KCNN3: variants seen among roughly 807,000 people sequenced by gnomAD.
KCNN3 encodes small conductance calcium-activated potassium channel protein 3.
Under a neutral mutation model 62.9 loss-of-function variants are expected in KCNN3, and 16 were observed. That is an observed-to-expected ratio of 0.25 (90% CI 0.17 to 0.39). The LOEUF is 0.39. Ranked by LOEUF, KCNN3 falls within the 10% of genes least tolerant of loss-of-function variation. The pLI is 1.00. For synonymous variants in KCNN3, 370 were observed against 389.2 expected (o/e 0.95, Z 0.58); for missense variants, 599 against 949.4 (o/e 0.63, Z 4.85).
chr1:154,839,455 C>T (rs1347020665), intron 1 of KCNN3, among the ~76,000 whole-genome samples: 3 of 152,312 alleles, frequency 2.0e-5, no homozygotes, highest in East Asian at 3.9e-4. Flanking sequence ...ATTTACATCC[C>T]CTAAGCACCA....
At chr1:154,839,661 C>A (rs564997551) in intron 1 of KCNN3, among the ~76,000 whole-genome samples, 5 of 152,346 alleles carry the variant, frequency 3.3e-5, no homozygotes, top group Non-Finnish European at 2.9e-5. Context: ...TCAGCTCTCA[C>A]TCGACAAGGC....
chr1:154,787,724 G>T (rs1649344678), intron 2 of KCNN3, among the ~76,000 whole-genome samples: 1 of 152,136 alleles, frequency 6.6e-6, no homozygotes, highest in South Asian at 2.1e-4. Flanking sequence ...ACACCCCGTG[G>T]AGTCAGAAGC....
chr1:154,730,892 C>G (rs746397280), intron 4 of KCNN3, among the ~76,000 whole-genome samples: 5 of 152,160 alleles, frequency 3.3e-5, no homozygotes, highest in Non-Finnish European at 7.3e-5. Flanking sequence ...GAAAGACAAA[C>G]AGCCTCCGGA....
intron 3 of KCNN3, among the ~76,000 whole-genome samples, chr1:154,765,694 TCTC>T (rs1648225898): frequency 6.7e-6 from 1 of 149,064 alleles, no homozygotes; most frequent in African/African-American, 2.5e-5. Flanking sequence ...AGTGGCGCAA[TCTC>T]TGCTCGCTGC....
intron 1 of KCNN3, among the ~76,000 whole-genome samples, chr1:154,834,345 T>C (rs892315246): frequency 6.6e-6 from 1 of 152,206 alleles, no homozygotes; most frequent in African/African-American, 2.4e-5. Context: ...TCAAGGAAAC[T>C]GCAAGATGCA....
At chr1:154,788,966 G>A (rs1649398781) in intron 2 of KCNN3, among the ~76,000 whole-genome samples, 1 of 152,164 alleles carries the variant, frequency 6.6e-6, no homozygotes, top group South Asian at 2.1e-4. Flanking sequence ...TGGCCCCAGA[G>A]TCCACGTACA....
At chr1:154,845,765 GCCT>G (rs1388600076) in intron 1 of KCNN3, among the ~76,000 whole-genome samples, 1 of 152,144 alleles carries the variant, frequency 6.6e-6, no homozygotes, top group Non-Finnish European at 1.5e-5. Flanking sequence ...CACATGCGGA[GCCT>G]CCTCCTCTAG....
chr1:154,859,485 A>T (rs557707079), intron 1 of KCNN3, among the ~76,000 whole-genome samples: 2 of 152,334 alleles, frequency 1.3e-5, no homozygotes, highest in South Asian at 4.1e-4. Context: ...GGGGACACTG[A>T]GGCTCGGAGA....
intron 1 of KCNN3, among the ~76,000 whole-genome samples, chr1:154,825,443 G>A (rs1376162999): frequency 7.0e-6 from 1 of 143,200 alleles, no homozygotes. Context: ...TCAGCTCACT[G>A]CAAGCTCTGC....
At chr1:154,776,885 C>T (rs967979363) in intron 2 of KCNN3, among the ~76,000 whole-genome samples, 5 of 152,162 alleles carry the variant, frequency 3.3e-5, no homozygotes, top group Admixed American at 6.5e-5. Flanking sequence ...AGCCCTGGCA[C>T]GGGTGTTCTT....
At chr1:154,708,609 G>A (rs139833147) in intron 7 of KCNN3, among the ~76,000 whole-genome samples, 100 of 151,722 alleles carry the variant, frequency 6.6e-4, no homozygotes, top group African/African-American at 2.3e-3. Context: ...CAGCTCACAT[G>A]GCTGCTGGCA....
chr1:154,709,894 C>T (rs1408281288), intron 7 of KCNN3, among the ~76,000 whole-genome samples: 6 of 152,212 alleles, frequency 3.9e-5, no homozygotes, highest in East Asian at 1.9e-4. Flanking sequence ...GTGGCCCCCA[C>T]GCTGGTGCTC....
rs80227496 is a variant in KCNN3 at position 154,836,937 on chromosome 1, T to A, written c.934-14753A>T. Among the ~76,000 whole-genome samples the A allele has an allele frequency of 6.4e-4, 98 of 152,300 alleles. No homozygotes were observed. The East Asian group carries it at 0.016, about 25-fold the overall frequency. Reference sequence around the variant, plus strand: ...GAATGAATGAAGGGATGCTACCCTATGGCCTGTTCCCAAGAAGAGGAGAAT... The same window carrying A: ...GAATGAATGAAGGGATGCTACCCTAAGGCCTGTTCCCAAGAAGAGGAGAAT... On this transcript the variant is annotated intron_variant, in intron 1 of 7. Coordinates refer to ENST00000271915, the MANE Select transcript of KCNN3 (RefSeq NM_002249.6).
At chr1:154,846,542 C>T (rs921690597) in intron 1 of KCNN3, among the ~76,000 whole-genome samples, 5 of 152,286 alleles carry the variant, frequency 3.3e-5, no homozygotes, top group East Asian at 1.9e-4. Context: ...TTTTTGTTGG[C>T]TTTATTTATT....
At chr1:154,732,449 C>A (rs1448728537) in intron 4 of KCNN3, among the ~76,000 whole-genome samples, 1 of 152,208 alleles carries the variant, frequency 6.6e-6, no homozygotes, top group East Asian at 1.9e-4. Context: ...CCTCCATAGG[C>A]AGAGGTGGAA....
At chr1:154,789,338 C>G (rs1320586304) in intron 2 of KCNN3, among the ~76,000 whole-genome samples, 1 of 152,150 alleles carries the variant, frequency 6.6e-6, no homozygotes, top group African/African-American at 2.4e-5. Context: ...TCTCAAGATC[C>G]TTCATTTAAC....
At chr1:154,718,554 T>TTGG (rs1413971949) in intron 5 of KCNN3, among the ~76,000 whole-genome samples, 1 of 152,268 alleles carries the variant, frequency 6.6e-6, no homozygotes, top group Non-Finnish European at 1.5e-5. Context: ...GAGACTCTCT[T>TTGG]TGTTCATACA....
chr1:154,840,645 C>T (rs1220126907), intron 1 of KCNN3, among the ~76,000 whole-genome samples: 3 of 152,222 alleles, frequency 2.0e-5, no homozygotes, highest in Non-Finnish European at 4.4e-5. Context: ...CCTTTTCCCT[C>T]AGCCCCAGTC....
chr1:154,803,396 G>T (rs151125068), intron 2 of KCNN3, among the ~76,000 whole-genome samples: 244 of 152,308 alleles, frequency 1.6e-3, no homozygotes, highest in Non-Finnish European at 2.6e-3. Flanking sequence ...CTGAGCTATA[G>T]GTCAGCAGTG....
Sources: allele counts gnomAD v4.1 joint callset (sites outside exome capture counted in the v4.1 genomes callset), GRCh38; gene constraint gnomAD v4.1.1; transcripts MANE v1.5; gene names NCBI Gene and HGNC (gene_info 2026-07-23, HGNC 2026-07-21).